NAALADL2: variants seen among roughly 807,000 people sequenced by gnomAD.
NAALADL2 encodes inactive N-acetylated-alpha-linked acidic dipeptidase-like protein 2.
In NAALADL2, 76 loss-of-function variants were observed where a neutral mutation model predicts 87.2. The observed-to-expected ratio is 0.87, with a 90% confidence interval of 0.72 to 1.05. The LOEUF is 1.05. Ranked by LOEUF, NAALADL2 falls within the 50% of genes least tolerant of loss-of-function variation. NAALADL2 has a pLI of 0.00. For missense variants in NAALADL2, 1,089 were observed against 945.8 expected (o/e 1.15, Z -1.99); for synonymous variants, 354 against 331.0 (o/e 1.07, Z -0.75).
rs557047892 is a variant in NAALADL2, at chr3:174,487,743, A to G, written c.-184+46711A>G. Among the ~76,000 whole-genome samples, 96 of 151,584 alleles carry G rather than the reference A, an allele frequency of 6.3e-4. 2 individuals are homozygous for G. In the South Asian group the frequency reaches 0.018, roughly 29 times the overall value. Reference sequence around the variant, plus strand: ...TAAGTAGTACAGATTGCTTGTAGGCAGGTAGACGTGTCTATGCTAGAATGG... The same window carrying G: ...TAAGTAGTACAGATTGCTTGTAGGCGGGTAGACGTGTCTATGCTAGAATGG... On this transcript the variant is annotated intron_variant, in intron 1 of 3. Coordinates refer to the NAALADL2 transcript ENST00000434257.
intron 2 of NAALADL2, among the ~76,000 whole-genome samples, chr3:174,690,077 T>G (rs1728421822): frequency 6.6e-6 from 1 of 152,164 alleles, no homozygotes; most frequent in African/African-American, 2.4e-5. Context: ...TAATATATGA[T>G]ATTAGAAGTC....
rs145185487 is a variant in NAALADL2 at position 175,095,587 on chromosome 3, A to T, written c.44-1203A>T. On this transcript the variant is annotated intron_variant, in intron 1 of 13. Coordinates refer to ENST00000454872, the MANE Select transcript of NAALADL2 (RefSeq NM_207015.3). ...TAAAAATTTAGGAAATTTTAATTAT[A>T]TGGGCCTCAGCTAGCCAAGATTGGA... Among the ~76,000 whole-genome samples the T allele has an allele frequency of 4.0e-3, 603 of 152,232 alleles. 5 individuals carry two copies. The highest frequency in any genetic ancestry group is 0.014 in the African/African-American group (569 of 41,572).
chr3:175,455,462 T>C (rs1722189280), intron 6 of NAALADL2, among the ~76,000 whole-genome samples: 1 of 152,084 alleles, frequency 6.6e-6, no homozygotes, highest in Non-Finnish European at 1.5e-5. Context: ...TTTACATTTC[T>C]GAGGGATACA....
chr3:175,322,092 A>G (rs1759970086), intron 4 of NAALADL2, among the ~76,000 whole-genome samples: 1 of 150,706 alleles, frequency 6.6e-6, no homozygotes, highest in Non-Finnish European at 1.5e-5. Flanking sequence ...AAACTATACT[A>G]CAAGGCTACA....
At chr3:174,443,802 G>A (rs1307597846) in intron 1 of NAALADL2, among the ~76,000 whole-genome samples, 1 of 144,754 alleles carries the variant, frequency 6.9e-6, no homozygotes, top group African/African-American at 2.4e-5. Context: ...AGGAGAATAT[G>A]GAATCCTGGA....
chr3:175,703,110 T>C (rs916378330), intron 11 of NAALADL2, among the ~76,000 whole-genome samples: 4 of 152,142 alleles, frequency 2.6e-5, no homozygotes, highest in Non-Finnish European at 5.9e-5. Flanking sequence ...GGAGATCTCA[T>C]CTGGGGTTAG....
intron 3 of NAALADL2, among the ~76,000 whole-genome samples, chr3:174,823,181 G>C (rs973618773): frequency 1.3e-5 from 2 of 151,874 alleles, no homozygotes; most frequent in Non-Finnish European, 2.9e-5. Flanking sequence ...CAAGTGTTTG[G>C]AGTTTTCCTT....
At chr3:174,553,934 A>G (rs1317319282) in intron 2 of NAALADL2, among the ~76,000 whole-genome samples, 1 of 152,126 alleles carries the variant, frequency 6.6e-6, no homozygotes, top group African/African-American at 2.4e-5. Flanking sequence ...GAAGCATAAT[A>G]TAAACTGTTA....
intron 1 of NAALADL2, among the ~76,000 whole-genome samples, chr3:174,906,659 T>G (rs551244061): frequency 2.0e-5 from 3 of 152,220 alleles, no homozygotes; most frequent in South Asian, 4.1e-4. Flanking sequence ...AACTCAGTCA[T>G]GCTTCATATA....
intron 2 of NAALADL2, among the ~76,000 whole-genome samples, chr3:174,704,675 C>A (rs148349047): frequency 1.3e-4 from 19 of 151,098 alleles, no homozygotes; most frequent in African/African-American, 4.4e-4. Flanking sequence ...CAGATACATA[C>A]CATGTGATGG....
intron 2 of NAALADL2, among the ~76,000 whole-genome samples, chr3:174,607,232 T>C (rs1269175688): frequency 6.6e-6 from 1 of 151,590 alleles, no homozygotes; most frequent in Admixed American, 6.6e-5. Context: ...GTAAAGACCA[T>C]CGAGACTAGG....
chr3:175,658,315 A>C (rs1257545543), intron 11 of NAALADL2, among the ~76,000 whole-genome samples: 1 of 152,168 alleles, frequency 6.6e-6, no homozygotes, highest in Non-Finnish European at 1.5e-5. Context: ...TCAGATTTTC[A>C]GAGGACTTCC....
chr3:175,440,466 G>A (rs1016618775), intron 5 of NAALADL2, among the ~76,000 whole-genome samples: 1 of 151,988 alleles, frequency 6.6e-6, no homozygotes, highest in African/African-American at 2.4e-5. Flanking sequence ...TTTGTAAATT[G>A]TTTTTGGCAG....
intron 3 of NAALADL2, among the ~76,000 whole-genome samples, chr3:174,757,148 A>G (rs1167230156): frequency 6.6e-6 from 1 of 152,224 alleles, no homozygotes; most frequent in Non-Finnish European, 1.5e-5. Flanking sequence ...AGTTAGCATC[A>G]ACTGCCTTTG....
chr3:174,854,155 T>C (rs1579214682), intron 3 of NAALADL2, among the ~76,000 whole-genome samples: 1 of 152,112 alleles, frequency 6.6e-6, no homozygotes, highest in African/African-American at 2.4e-5. Context: ...GATGAATGAA[T>C]AAATAAAATA....
At chr3:174,953,099 A>G (rs1385841044) in intron 1 of NAALADL2, among the ~76,000 whole-genome samples, 1 of 152,040 alleles carries the variant, frequency 6.6e-6, no homozygotes, top group African/African-American at 2.4e-5. Context: ...TCCCAGGTTT[A>G]CAGAAGAAGA....
intron 3 of NAALADL2, among the ~76,000 whole-genome samples, chr3:174,789,698 C>T (rs1329508714): frequency 2.0e-5 from 3 of 152,226 alleles, no homozygotes; most frequent in African/African-American, 7.2e-5. Context: ...ATGACTTTAA[C>T]TGTATACCAT....
chr3:174,906,287 G>A (rs982737423), intron 1 of NAALADL2, among the ~76,000 whole-genome samples: 1 of 152,070 alleles, frequency 6.6e-6, no homozygotes, highest in African/African-American at 2.4e-5. Context: ...GTATGGAACT[G>A]TGGTAGGCAA....
intron 1 of NAALADL2, chr3:175,059,535 CTT>C (rs1329282058): frequency 3.8e-6 from 1 of 259,904 alleles, no homozygotes; most frequent in Non-Finnish European, 7.7e-6. Context: ...AAGCCGTCTG[CTT>C]GAATGCTTCT....
Sources: allele counts gnomAD v4.1 joint callset (sites outside exome capture counted in the v4.1 genomes callset), GRCh38; gene constraint gnomAD v4.1.1; transcripts MANE v1.5; gene names NCBI Gene and HGNC (gene_info 2026-07-23, HGNC 2026-07-21).